The following ZFAND3 variants were observed in gnomAD, a reference collection of about 807,000 sequenced individuals.
The protein encoded by ZFAND3 is AN1-type zinc finger protein 3.
In ZFAND3, 10 loss-of-function variants were observed where a neutral mutation model predicts 29.6. That is an observed-to-expected ratio of 0.34 (90% CI 0.21 to 0.57). ZFAND3 has a LOEUF of 0.57. Among genes scored for constraint, ZFAND3 ranks in the 20% least tolerant of loss-of-function variants. ZFAND3 has a pLI of 0.86. For missense variants in ZFAND3, 230 were observed against 304.5 expected, an observed-to-expected ratio of 0.76 and a Z score of 1.82; for synonymous variants, 128 against 112.6, an observed-to-expected ratio of 1.14 and a Z score of -0.87.
At chr6:37,837,298 T>C (rs961213357) in intron 1 of ZFAND3, among the ~76,000 whole-genome samples, 1 of 152,186 alleles carries the variant, frequency 6.6e-6, no homozygotes, top group East Asian at 1.9e-4. Context: ...ATTGGAATTA[T>C]TAGAGGAGAC....
At chr6:37,830,749 T>A (rs1045535019) in intron 1 of ZFAND3, among the ~76,000 whole-genome samples, 1 of 151,940 alleles carries the variant, frequency 6.6e-6, no homozygotes, top group African/African-American at 2.4e-5. Flanking sequence ...TTCTCTCCTC[T>A]TTCCCCCATG....
chr6:38,034,848 C>G (rs1458832584), intron 2 of ZFAND3, among the ~76,000 whole-genome samples: 1 of 152,052 alleles, frequency 6.6e-6, no homozygotes, highest in East Asian at 1.9e-4. Context: ...TTGATACATA[C>G]AATTGTTCTC....
chr6:37,886,280 A>AAAAAAAAC (rs1561922411), intron 1 of ZFAND3, among the ~76,000 whole-genome samples: 22 of 128,926 alleles, frequency 1.7e-4, no homozygotes, highest in African/African-American at 5.8e-4. Context: ...AAAAAAAAAA[A>AAAAAAAAC]AGTTCAAAGA....
At chr6:37,906,891 A>G (rs1290805960) in intron 1 of ZFAND3, among the ~76,000 whole-genome samples, 2 of 151,922 alleles carry the variant, frequency 1.3e-5, no homozygotes, top group African/African-American at 4.8e-5. Flanking sequence ...TTGTTGTTGA[A>G]AGCAGTCTTT....
At chr6:37,832,384 A>C (rs1763878859) in intron 1 of ZFAND3, among the ~76,000 whole-genome samples, 1 of 152,222 alleles carries the variant, frequency 6.6e-6, no homozygotes, top group Non-Finnish European at 1.5e-5. Flanking sequence ...TACAAACTCT[A>C]GATATGAAAG....
At chr6:38,068,289 T>G (rs1764384441) in intron 3 of ZFAND3, among the ~76,000 whole-genome samples, 1 of 152,160 alleles carries the variant, frequency 6.6e-6, no homozygotes, top group Non-Finnish European at 1.5e-5. Context: ...AAATAAATAT[T>G]TTGTGAAATG....
intron 2 of ZFAND3, among the ~76,000 whole-genome samples, chr6:37,984,796 A>G (rs1000864420): frequency 9.2e-5 from 14 of 152,214 alleles, no homozygotes; most frequent in Admixed American, 5.2e-4. Context: ...GGTCTGAACT[A>G]GTGGAATGAG....
intron 5 of ZFAND3, among the ~76,000 whole-genome samples, chr6:38,134,110 G>A (rs1765796397): frequency 6.6e-6 from 1 of 152,132 alleles, no homozygotes; most frequent in Non-Finnish European, 1.5e-5. Flanking sequence ...GTTTTGTTGT[G>A]TCCCGAATGC....
intron 1 of ZFAND3, among the ~76,000 whole-genome samples, chr6:37,826,577 A>G (rs1297477382): frequency 6.6e-6 from 1 of 152,038 alleles, no homozygotes; most frequent in Non-Finnish European, 1.5e-5. Flanking sequence ...AACATGGTGA[A>G]ACTCCGTCTG....
chr6:38,002,652 G>A (rs1318194721), intron 2 of ZFAND3, among the ~76,000 whole-genome samples: 6 of 152,016 alleles, frequency 3.9e-5, no homozygotes, highest in Admixed American at 3.9e-4. Flanking sequence ...GTGAAAGAGT[G>A]AGACCCTGTC....
intron 2 of ZFAND3, among the ~76,000 whole-genome samples, chr6:37,996,602 A>G (rs910307511): frequency 2.0e-5 from 3 of 152,130 alleles, no homozygotes; most frequent in Admixed American, 6.6e-5. Flanking sequence ...GGTTTGGAAG[A>G]ACCTGCAAAA....
In ZFAND3 at chr6:37,977,770, GTTTTTTGT is replaced by G. The variant is rs1345827246; in HGVS notation, c.112+47778_112+47785del. ...CCCCCTTTTATTTCTGGTTTGCTGA[GTTTTTTGT>G]TTTTTTTTTTTTTCAAATGAAGAAT... On this transcript the variant is annotated intron_variant, in intron 2 of 5. Transcript: ENST00000287218. Among the ~76,000 whole-genome samples, 427 of 108,908 alleles carry G rather than the reference GTTTTTTGT, an allele frequency of 3.9e-3. 6 individuals carry two copies. The highest frequency in any genetic ancestry group is 0.014 in the African/African-American group (403 of 29,402). The allele number at this position is 108,908 out of a possible 152,430, so 71.4% of individuals were successfully genotyped here.
intron 2 of ZFAND3, among the ~76,000 whole-genome samples, chr6:37,998,549 A>G (rs1762891773): frequency 6.6e-6 from 1 of 151,998 alleles, no homozygotes; most frequent in African/African-American, 2.4e-5. Context: ...CGGGAGGGGG[A>G]GAGAAAAAAA....
intron 1 of ZFAND3, among the ~76,000 whole-genome samples, chr6:37,825,530 T>G (rs563709723): frequency 6.6e-6 from 1 of 152,282 alleles, no homozygotes; most frequent in South Asian, 2.1e-4. Context: ...ATTTTTTTTT[T>G]TAATTTAAAG....
At chr6:37,974,340 C>T (rs917733667) in intron 2 of ZFAND3, among the ~76,000 whole-genome samples, 14 of 151,024 alleles carry the variant, frequency 9.3e-5, no homozygotes, top group Admixed American at 5.9e-4. Context: ...GCTGGGATTA[C>T]AGGCGTGAGC....
intron 1 of ZFAND3, among the ~76,000 whole-genome samples, chr6:37,909,673 G>T: frequency 7.9e-6 from 1 of 126,266 alleles, no homozygotes; most frequent in African/African-American, 2.9e-5. Flanking sequence ...GGAGTTTCCT[G>T]TTTTGTCCTC....
chr6:37,994,744 CTA>C (rs1466157918), intron 2 of ZFAND3, among the ~76,000 whole-genome samples: 2 of 152,134 alleles, frequency 1.3e-5, no homozygotes, highest in African/African-American at 2.4e-5. Context: ...TTGTGGCTCA[CTA>C]GAGTAATTTG....
intron 4 of ZFAND3, among the ~76,000 whole-genome samples, chr6:38,094,248 T>TA (rs1764928918): frequency 6.6e-6 from 1 of 151,976 alleles, no homozygotes; most frequent in Admixed American, 6.6e-5. Context: ...AAGTAGTAGC[T>TA]AATTCAAGCT....
chr6:38,097,737 G>A (rs1445920197), intron 4 of ZFAND3, among the ~76,000 whole-genome samples: 2 of 152,190 alleles, frequency 1.3e-5, no homozygotes, highest in Non-Finnish European at 2.9e-5. Flanking sequence ...GATGTAGACA[G>A]ATGGTACCTG....
Sources: gnomAD v4.1 joint callset for allele counts (sites outside exome capture counted in the v4.1 genomes callset) on GRCh38, gnomAD v4.1.1 for gene constraint, MANE v1.5 for transcripts, NCBI Gene and HGNC (gene_info 2026-07-23, HGNC 2026-07-21) for gene names.